The following ERBB4 variants were observed in gnomAD, a reference collection of about 807,000 sequenced individuals.
The protein encoded by ERBB4 is erb-b2 receptor tyrosine kinase 4.
A neutral mutation model predicts 158.0 loss-of-function variants in ERBB4; 42 were observed. That is an observed-to-expected ratio of 0.27 (90% confidence interval 0.21 to 0.34). ERBB4 has a LOEUF of 0.34. Among genes scored for constraint, ERBB4 ranks in the 10% least tolerant of loss-of-function variants. The pLI, the probability that ERBB4 is intolerant of heterozygous loss-of-function variation, is 1.00. For synonymous variants in ERBB4, 583 were observed against 558.7 expected, an observed-to-expected ratio of 1.04 and a Z score of -0.61; for missense variants, 1,333 against 1,624.1, an observed-to-expected ratio of 0.82 and a Z score of 3.08.
chr2:212,490,712 T>C (rs1246464385), intron 1 of ERBB4, among the ~76,000 whole-genome samples: 3 of 151,922 alleles, frequency 2.0e-5, no homozygotes, highest in Non-Finnish European at 4.4e-5. Context: ...CTTGGAAATA[T>C]GGTGAAGTTC....
chr2:212,386,819 T>C (rs2090692043), intron 1 of ERBB4, among the ~76,000 whole-genome samples: 1 of 152,096 alleles, frequency 6.6e-6, no homozygotes, highest in Non-Finnish European at 1.5e-5. Flanking sequence ...ATACTAACCA[T>C]ATATTTTAAT....
chr2:211,549,671 C>A (rs2067029860), intron 20 of ERBB4, among the ~76,000 whole-genome samples: 2 of 152,134 alleles, frequency 1.3e-5, no homozygotes. Flanking sequence ...CAGAGTCACC[C>A]AGCAGACCAC....
At chr2:211,855,417 G>A (rs2077831441) in intron 3 of ERBB4, among the ~76,000 whole-genome samples, 1 of 151,952 alleles carries the variant, frequency 6.6e-6, no homozygotes. Context: ...TGTCCTCAAG[G>A]TAATAAAAAT....
chr2:212,157,198 C>T (rs1403835209), intron 1 of ERBB4, among the ~76,000 whole-genome samples: 7 of 152,018 alleles, frequency 4.6e-5, no homozygotes, highest in South Asian at 2.1e-4. Flanking sequence ...TTTTCCCCAG[C>T]ATTTCTGGGC....
chr2:212,492,147 G>A (rs1248968702), intron 1 of ERBB4, among the ~76,000 whole-genome samples: 1 of 151,394 alleles, frequency 6.6e-6, no homozygotes, highest in Non-Finnish European at 1.5e-5. Flanking sequence ...AAGAAATAAT[G>A]CAATTTACTT....
In ERBB4 at chr2:212,204,908, T is replaced by C. The variant is rs139965900; in HGVS notation, c.83-80005A>G. Among the ~76,000 whole-genome samples the C allele has an allele frequency of 9.1e-3, 1,329 of 145,330 alleles. 24 individuals carry two copies. Among genetic ancestry groups the C allele is most frequent in the African/African-American group, 0.033 (1,286 of 39,444 alleles). ...ATCTCGGCTCACCACAACCTCTGCCTCCCGGGTTCAAACGATTCTCCTGCC... is the reference window on the plus strand; with the variant it reads ...ATCTCGGCTCACCACAACCTCTGCCCCCCGGGTTCAAACGATTCTCCTGCC... On this transcript the variant is annotated intron_variant, in intron 1 of 27. Transcript: ENST00000342788.
chr2:211,416,646 C>A (rs893055789), intron 25 of ERBB4, among the ~76,000 whole-genome samples: 1 of 152,154 alleles, frequency 6.6e-6, no homozygotes, highest in Non-Finnish European at 1.5e-5. Context: ...CTCCAAATGA[C>A]CAGAATTGAT....
At chr2:211,583,208 G>A (rs1357838842) in intron 19 of ERBB4, among the ~76,000 whole-genome samples, 1 of 151,928 alleles carries the variant, frequency 6.6e-6, no homozygotes, top group African/African-American at 2.4e-5. Context: ...AATATTTACT[G>A]AGCACTTACT....
intron 1 of ERBB4, among the ~76,000 whole-genome samples, chr2:212,531,148 G>C (rs1461973788): frequency 1.3e-5 from 2 of 152,006 alleles, no homozygotes; most frequent in African/African-American, 4.8e-5. Context: ...AATCTTTTAC[G>C]GGGGTCCACT....
At chr2:212,009,313 A>G (rs1301397864) in intron 2 of ERBB4, among the ~76,000 whole-genome samples, 2 of 151,934 alleles carry the variant, frequency 1.3e-5, no homozygotes, top group East Asian at 1.9e-4. Flanking sequence ...CTTATGAGAT[A>G]AAAGCAGAGG....
At chr2:212,372,126 G>A (rs556461653) in intron 1 of ERBB4, among the ~76,000 whole-genome samples, 2 of 152,194 alleles carry the variant, frequency 1.3e-5, no homozygotes, top group Admixed American at 1.3e-4. Context: ...CCACCAACCA[G>A]TCCTGAATCT....
intron 1 of ERBB4, among the ~76,000 whole-genome samples, chr2:212,491,423 C>G (rs1431150451): frequency 1.3e-5 from 2 of 151,526 alleles, no homozygotes; most frequent in Non-Finnish European, 3.0e-5. Flanking sequence ...CTTACAAGTA[C>G]AGTAACATGT....
At chr2:211,816,809 G>GTGAT (rs2076889505) in intron 3 of ERBB4, among the ~76,000 whole-genome samples, 1 of 152,006 alleles carries the variant, frequency 6.6e-6, no homozygotes, top group African/African-American at 2.4e-5. Context: ...AAAAATCTTT[G>GTGAT]TGATTCAGTA....
At chr2:211,825,543 A>G (rs1404451478) in intron 3 of ERBB4, among the ~76,000 whole-genome samples, 2 of 151,676 alleles carry the variant, frequency 1.3e-5, no homozygotes, top group Non-Finnish European at 3.0e-5. Context: ...ACCCCAGCTG[A>G]TTATCTAATT....
rs117939506 is a variant in ERBB4 at position 212,239,429 on chromosome 2, T to C, written c.83-114526A>G. On this transcript the variant is annotated intron_variant, in intron 1 of 27. Coordinates refer to ENST00000342788, the MANE Select transcript of ERBB4 (RefSeq NM_005235.3). ...TTGTGTGAATGTTACATGGTACAAT[T>C]TGTAGCAAAGTGTTTTGTAGGGAGT... Among the ~76,000 whole-genome samples, 234 of 152,338 alleles carry C rather than the reference T, an allele frequency of 1.5e-3. 4 individuals are homozygous for C. The East Asian group carries it at 0.028, about 18-fold the overall frequency.
intron 20 of ERBB4, among the ~76,000 whole-genome samples, chr2:211,493,988 C>T (rs2125577251): frequency 6.6e-6 from 1 of 152,216 alleles, no homozygotes; most frequent in East Asian, 1.9e-4. Context: ...GATGTAAATA[C>T]TCCCAACATG....
chr2:211,863,557 C>T (rs1377751787), intron 3 of ERBB4, among the ~76,000 whole-genome samples: 1 of 152,184 alleles, frequency 6.6e-6, no homozygotes, highest in African/African-American at 2.4e-5. Flanking sequence ...GAGGAACAAA[C>T]TACTCCAGAC....
chr2:211,752,498 A>C (rs2075161774), intron 4 of ERBB4, among the ~76,000 whole-genome samples: 1 of 149,710 alleles, frequency 6.7e-6, no homozygotes, highest in African/African-American at 2.4e-5. Context: ...CTGGAAAAAA[A>C]AAAAAAAGAA....
intron 1 of ERBB4, among the ~76,000 whole-genome samples, chr2:212,464,588 G>A (rs1260764492): frequency 6.6e-6 from 1 of 151,972 alleles, no homozygotes; most frequent in East Asian, 1.9e-4. Context: ...TAGTTTCAAA[G>A]GAGTTCTAAT....
Sources: allele counts gnomAD v4.1 joint callset (sites outside exome capture counted in the v4.1 genomes callset), GRCh38; gene constraint gnomAD v4.1.1; transcripts MANE v1.5; gene names NCBI Gene and HGNC (gene_info 2026-07-23, HGNC 2026-07-21).